Variants in PACRG observed in about 807,000 individuals in gnomAD.
The protein encoded by PACRG is parkin coregulated gene protein.
PACRG carries 29 observed loss-of-function variants against 29.7 expected under a neutral mutation model. That is an observed-to-expected ratio of 0.98 (90% confidence interval 0.73 to 1.33). The LOEUF (loss-of-function observed/expected upper bound fraction) is 1.33. PACRG is among the 40% of genes most tolerant of loss of function. The pLI is 0.00. For missense variants in PACRG, 279 were observed against 316.2 expected, an observed-to-expected ratio of 0.88 and a Z score of 0.89; for synonymous variants, 116 against 118.7, an observed-to-expected ratio of 0.98 and a Z score of 0.15.
chr6:162,846,746 TG>T (rs1448839429), intron 2 of PACRG, among the ~76,000 whole-genome samples: 1 of 152,214 alleles, frequency 6.6e-6, no homozygotes, highest in African/African-American at 2.4e-5. Flanking sequence ...TGTAGCCTTT[TG>T]GGTGGTGTGA....
chr6:163,124,862 T>C (rs1300906434), intron 4 of PACRG, among the ~76,000 whole-genome samples: 1 of 152,180 alleles, frequency 6.6e-6, no homozygotes, highest in Non-Finnish European at 1.5e-5. Context: ...TCAAAAATAA[T>C]CCCCTATATA....
intron 4 of PACRG, among the ~76,000 whole-genome samples, chr6:163,219,640 G>GCAGCT (rs1562322885): frequency 7.0e-6 from 1 of 142,488 alleles, no homozygotes; most frequent in African/African-American, 2.9e-5. Flanking sequence ...GCCTCCTCCT[G>GCAGCT]CAGCTCAGCC....
At chr6:163,257,263 A>G (rs1184098317) in intron 4 of PACRG, among the ~76,000 whole-genome samples, 1 of 152,008 alleles carries the variant, frequency 6.6e-6, no homozygotes, top group African/African-American at 2.4e-5. Context: ...AGGTCTTTGA[A>G]CACAACAGGG....
chr6:163,046,882 C>A (rs1809457785), intron 2 of PACRG, among the ~76,000 whole-genome samples: 4 of 152,150 alleles, frequency 2.6e-5, no homozygotes, highest in Admixed American at 1.3e-4. Context: ...AGAGCTTTAA[C>A]AAATTGGAAC....
At chr6:162,891,374 C>T (rs1282673973) in intron 2 of PACRG, among the ~76,000 whole-genome samples, 1 of 152,144 alleles carries the variant, frequency 6.6e-6, no homozygotes, top group Non-Finnish European at 1.5e-5. Context: ...AAATTTATCC[C>T]TCCCTCATGC....
intron 2 of PACRG, among the ~76,000 whole-genome samples, chr6:162,970,819 G>C (rs2128158966): frequency 7.3e-6 from 1 of 136,274 alleles, no homozygotes; most frequent in East Asian, 2.2e-4. Context: ...ACAACATAAA[G>C]CAAAATCTAA....
At chr6:163,128,048 A>G (rs1816587440) in intron 4 of PACRG, among the ~76,000 whole-genome samples, 1 of 152,184 alleles carries the variant, frequency 6.6e-6, no homozygotes, top group Non-Finnish European at 1.5e-5. Flanking sequence ...TTTCCAGAAG[A>G]TTTTTAAATT....
chr6:162,984,025 ATT>A (rs35972956), intron 2 of PACRG, among the ~76,000 whole-genome samples: 4,426 of 150,618 alleles, frequency 0.029, 238 homozygotes, highest in African/African-American at 0.1. Flanking sequence ...TTCTTTAAAA[ATT>A]TTTTTTATTT....
chr6:163,248,417 G>C (rs1487694729), intron 4 of PACRG, among the ~76,000 whole-genome samples: 2 of 141,586 alleles, frequency 1.4e-5, no homozygotes, highest in Non-Finnish European at 3.0e-5. Context: ...CAAGAGGGGA[G>C]TGCATATTTT....
intron 2 of PACRG, chr6:162,892,104 C>T (rs191132889): frequency 1.3e-5 from 2 of 152,434 alleles, no homozygotes; most frequent in Admixed American, 6.5e-5. Flanking sequence ...CTGTTCCAGG[C>T]TATGTTGTTA....
chr6:162,869,204 G>A (rs1310880363), intron 2 of PACRG, among the ~76,000 whole-genome samples: 2 of 152,154 alleles, frequency 1.3e-5, no homozygotes, highest in African/African-American at 4.8e-5. Context: ...GGCTAGGGCG[G>A]CTCCAAGATC....
At chr6:162,839,615 A>T (rs1789570487) in intron 2 of PACRG, among the ~76,000 whole-genome samples, 1 of 151,824 alleles carries the variant, frequency 6.6e-6, no homozygotes, top group Non-Finnish European at 1.5e-5. Context: ...CCATTTGTCA[A>T]TTTTGTCTTT....
intron 4 of PACRG, among the ~76,000 whole-genome samples, chr6:163,269,426 T>C (rs150811303): frequency 2.0e-5 from 3 of 152,324 alleles, no homozygotes; most frequent in Admixed American, 1.3e-4. Context: ...GTTCTGTAGA[T>C]AGCCCCTACA....
chr6:163,194,200 G>A (rs1042175832), intron 4 of PACRG, among the ~76,000 whole-genome samples: 4 of 152,114 alleles, frequency 2.6e-5, no homozygotes, highest in Non-Finnish European at 4.4e-5. Flanking sequence ...TTCTGCGCCC[G>A]ATTACACATT....
chr6:163,279,794 T>A (rs1784168002), intron 4 of PACRG, among the ~76,000 whole-genome samples: 2 of 152,202 alleles, frequency 1.3e-5, no homozygotes, highest in Non-Finnish European at 2.9e-5. Context: ...TTATTCACTA[T>A]CACATAAGTC....
At chr6:163,149,330 C>T (rs903656481) in intron 4 of PACRG, among the ~76,000 whole-genome samples, 17 of 152,130 alleles carry the variant, frequency 1.1e-4, no homozygotes, top group Admixed American at 4.6e-4. Flanking sequence ...CCCCTTCCAT[C>T]CTCCCCAGCG....
intron 4 of PACRG, among the ~76,000 whole-genome samples, chr6:163,127,036 C>G (rs975934737): frequency 6.6e-6 from 1 of 152,230 alleles, no homozygotes; most frequent in African/African-American, 2.4e-5. Context: ...CAATTACACA[C>G]GTACAACTCT....
chr6:163,112,772 G>A lies in PACRG; in HGVS notation c.613+23364G>A, dbSNP rs536356918. The stretch of plus-strand genomic sequence containing the variant: ...TTTTTTAAAAGAAAAACCTGGGGAA[G>A]GGGGTAGTCTGATTTCCAGAGTTAC... On this transcript the variant is annotated intron_variant, in intron 4 of 4. Transcript: ENST00000366888. Among the ~76,000 whole-genome samples, 38 of 152,314 alleles carry A rather than the reference G, an allele frequency of 2.5e-4. No homozygotes were observed. The East Asian group carries it at 7.1e-3, about 29-fold the overall frequency.
At chr6:162,790,717 A>G (rs1784864122) in intron 1 of PACRG, among the ~76,000 whole-genome samples, 1 of 152,192 alleles carries the variant, frequency 6.6e-6, no homozygotes, top group African/African-American at 2.4e-5. Flanking sequence ...GGCTGAAGAT[A>G]TAAATTTCTT....
Sources: allele counts gnomAD v4.1 joint callset (sites outside exome capture counted in the v4.1 genomes callset), GRCh38; gene constraint gnomAD v4.1.1; transcripts MANE v1.5; gene names NCBI Gene and HGNC (gene_info 2026-07-23, HGNC 2026-07-21).